Variants in TRIM34 observed in about 807,000 individuals in gnomAD.
The protein encoded by TRIM34 is tripartite motif containing 34.
In TRIM34, 41 loss-of-function variants were observed where a neutral mutation model predicts 38.1. That is an observed-to-expected ratio of 1.08 (90% CI 0.84 to 1.40). TRIM34 has a LOEUF of 1.40. TRIM34 is among the 40% of genes most tolerant of loss of function. The pLI, the probability that TRIM34 is intolerant of heterozygous loss-of-function variation, is 0.00. For missense variants in TRIM34, 556 were observed against 571.4 expected, an observed-to-expected ratio of 0.97 and a Z score of 0.27; for synonymous variants, 200 against 202.5, an observed-to-expected ratio of 0.99 and a Z score of 0.10.
In TRIM34 at chr11:5,643,127, T is replaced by TATATAA; in HGVS notation, c.902-17_902-16insATATAA. On this transcript the variant is annotated splice_polypyrimidine_tract_variant and intron_variant, in intron 7 of 7. Transcript: ENST00000429814. ...TATATTCATATACATATATATATAT[T>TATATAA]TTTTTTTTTCTTGCAGTGGATGTCA... 3.8e-6 allele frequency: 2 copies of TATATAA among 521,878 alleles called. No individual in the cohort carries two copies. The highest frequency in any genetic ancestry group is 4.9e-6 in the Non-Finnish European group (2 of 405,550). 32.3% of individuals were successfully genotyped at this position (521,878 alleles called of 1,614,324 possible).
At chr11:5,622,404 C>T (rs1374058166), upstream of TRIM34, among the ~76,000 whole-genome samples, 3 of 149,662 alleles carry the variant, frequency 2.0e-5, no homozygotes, top group African/African-American at 7.4e-5. Context: ...GAGATCACGC[C>T]ACTGCACTCC....
In TRIM34 at chr11:5,643,388, A is replaced by G; in HGVS notation, c.1146A>G (p.Ala382=). ...TGAAGTATGTTGTTAGAAGATGTGC[A>G]AATCGTCAAAATCTTTACACCAAAT... The part of the protein sequence containing the change: ...RHMKYVVRRC[A]NRQNLYTKYR... The change falls in exon 8 of 8, where the codon GCA becomes GCG. Residue 382 remains alanine, a synonymous_variant. Transcript: ENST00000429814. The G allele has an allele frequency of 6.2e-7, 1 of 1,614,140 alleles. No individual in the cohort carries two copies. Among genetic ancestry groups the G allele is most frequent in the African/African-American group, 1.3e-5 (1 of 75,028 alleles).
Position 5,633,672 on chromosome 11 carries a change from T to C in TRIM34, c.424-132T>C, listed in dbSNP as rs190832119. The C allele has an allele frequency of 1.9e-4, 160 of 853,288 alleles. No individual in the cohort carries two copies. The Admixed American group carries it at 4.2e-3, about 22-fold the overall frequency. The allele number at this position is 853,288 out of a possible 1,614,324, so 52.9% of individuals were successfully genotyped here. On this transcript the variant is annotated intron_variant, in intron 2 of 7. Coordinates refer to ENST00000429814, the MANE Select transcript of TRIM34 (RefSeq NM_021616.6). ...CTCAAAATTTTCCCCATGTCATAGATTCTAATCACCAGCTTCACAGTTTCT... is the reference window on the plus strand; with the variant it reads ...CTCAAAATTTTCCCCATGTCATAGACTCTAATCACCAGCTTCACAGTTTCT...
chr11:5,635,557 C>T (rs1340878143), intron 4 of TRIM34, among the ~76,000 whole-genome samples: 2 of 152,084 alleles, frequency 1.3e-5, no homozygotes, highest in Non-Finnish European at 2.9e-5. Flanking sequence ...CACCCAGCCC[C>T]CTGTTACTTT....
chr11:5,634,650 G>A lies in TRIM34; in HGVS notation c.539G>A (p.Arg180Lys), dbSNP rs1849646234. 1 of 1,613,286 alleles carries A rather than the reference G, an allele frequency of 6.2e-7. No homozygotes were observed. Among genetic ancestry groups the A allele is most frequent in the Non-Finnish European group, 8.5e-7 (1 of 1,179,686 alleles). Residue 180 changes from arginine (R) to lysine (K), a missense_variant, in exon 4 of 8, where the codon AGA becomes AAA. Transcript: ENST00000429814. ...TSWKYQVQTE[R>K]QRIQTEFDQL... ...TTGCAGTATCAGGTACAAACTGAGA[G>A]ACAAAGGATACAAACAGAATTTGAT... is the stretch of plus-strand genomic sequence containing the variant.
At chr11:5,640,003 A>G (rs1849935904) in intron 4 of TRIM34, among the ~76,000 whole-genome samples, 1 of 152,202 alleles carries the variant, frequency 6.6e-6, no homozygotes, top group South Asian at 2.1e-4. Flanking sequence ...ATACTATTTT[A>G]ATTATTTTAA....
chr11:5,637,027 T>A (rs1849769240), intron 4 of TRIM34, among the ~76,000 whole-genome samples: 1 of 152,090 alleles, frequency 6.6e-6, no homozygotes, highest in South Asian at 2.1e-4. Flanking sequence ...ATACAAAAAA[T>A]TAGCTGGTGA....
chr11:5,643,734 C>G lies in TRIM34; in HGVS notation c.*25C>G. The G allele has an allele frequency of 6.5e-7, 1 of 1,549,248 alleles. No individual in the cohort carries two copies. Among genetic ancestry groups the G allele is most frequent in the Non-Finnish European group, 8.7e-7 (1 of 1,153,342 alleles). On this transcript the variant is annotated 3_prime_UTR_variant, in exon 8 of 8. Transcript: ENST00000429814. ...AATTTTCTCATTTCTTCACCTACAACCCTTTGTCTTGACTTATCTCCTGCA... is the reference window on the plus strand; with the variant it reads ...AATTTTCTCATTTCTTCACCTACAAGCCTTTGTCTTGACTTATCTCCTGCA...
rs189851658 is a variant in TRIM34 at position 5,627,106 on chromosome 11, A to G, written c.-78+2046A>G. Among the ~76,000 whole-genome samples, 279 of 152,118 alleles carry G rather than the reference A, an allele frequency of 1.8e-3. 1 individual carries two copies. Among genetic ancestry groups the G allele is most frequent in the Non-Finnish European group, 3.2e-3 (219 of 67,966 alleles). ...AAGAAGGACAGTGATGGGTGGGCAC[A>G]GTAGCTCACACCTGTAATCCCAGCA... On this transcript the variant is annotated intron_variant, in intron 1 of 7. Coordinates refer to ENST00000429814, the MANE Select transcript of TRIM34 (RefSeq NM_021616.6).
chr11:5,629,747 GC>G (rs1849398166), intron 1 of TRIM34, among the ~76,000 whole-genome samples: 1 of 152,168 alleles, frequency 6.6e-6, no homozygotes, highest in South Asian at 2.1e-4. Context: ...TCGCTCTGTC[GC>G]CCGGGCTGGA....
chr11:5,635,167 T>C (rs931240456), intron 4 of TRIM34, among the ~76,000 whole-genome samples: 1 of 152,190 alleles, frequency 6.6e-6, no homozygotes, highest in Non-Finnish European at 1.5e-5. Flanking sequence ...ACACATGCAT[T>C]TTCAGGTTTA....
intron 5 of TRIM34, 66 bp from the exon 6 acceptor site, chr11:5,642,340 A>T (rs764007121): frequency 1.3e-5 from 19 of 1,427,098 alleles, no homozygotes; most frequent in Non-Finnish European, 1.9e-5. Flanking sequence ...AGATGAAACC[A>T]GTGATGTGGG....
intron 1 of TRIM34, among the ~76,000 whole-genome samples, chr11:5,630,038 T>C (rs1849419386): frequency 6.6e-6 from 1 of 152,032 alleles, no homozygotes; most frequent in Admixed American, 6.6e-5. Context: ...TACAAGACCA[T>C]GTGACCATGT....
chr11:5,626,511 T>G (rs2133908561), intron 1 of TRIM34: 1 of 152,314 alleles, frequency 6.6e-6, no homozygotes, highest in South Asian at 2.1e-4. Context: ...TTAAAGGCTT[T>G]AATGGTTTTT....
upstream of TRIM34, among the ~76,000 whole-genome samples, chr11:5,624,368 G>C (rs980128798): frequency 5.3e-5 from 8 of 152,138 alleles, no homozygotes; most frequent in Admixed American, 3.3e-4. Context: ...AAGTTCCCCA[G>C]GTCCTTTGTA....
intron 4 of TRIM34, among the ~76,000 whole-genome samples, chr11:5,638,050 A>G (rs909109589): frequency 2.6e-5 from 4 of 152,206 alleles, no homozygotes; most frequent in Non-Finnish European, 5.9e-5. Flanking sequence ...TCAAGAATGA[A>G]TGAGTTAATT....
chr11:5,632,417 A>G lies in TRIM34; in HGVS notation c.86A>G (p.Asp29Gly). 1.9e-6 allele frequency: 3 copies of G among 1,614,016 alleles called. No homozygotes were observed. The highest frequency in any genetic ancestry group is 2.5e-6 in the Non-Finnish European group (3 of 1,180,004). Residue 29 changes from aspartate to glycine, a missense_variant, in exon 2 of 8, where the codon GAC (aspartate) becomes GGC (glycine). Transcript: ENST00000429814. Reference protein sequence around the residue: ...LELLTEPLSLDCGHSLCRACI... With the variant: ...LELLTEPLSLGCGHSLCRACI... ...CTGTTGACAGAACCCTTGAGTCTAG[A>G]CTGTGGCCACAGCCTCTGCCGAGCC...
upstream of TRIM34, chr11:5,624,738 C>A (rs564678329): frequency 3.9e-5 from 6 of 152,248 alleles, no homozygotes; most frequent in Non-Finnish European, 7.3e-5. Flanking sequence ...TAGTTAACAA[C>A]CAAATATCTC....
chr11:5,631,917 G>C (rs10838459), intron 1 of TRIM34, among the ~76,000 whole-genome samples: 36,287 of 152,038 alleles, frequency 0.24, 4,742 homozygotes, highest in East Asian at 0.46. Flanking sequence ...AAGAAAGATG[G>C]CAAATGTACA....
Sources: allele counts gnomAD v4.1 joint callset (sites outside exome capture counted in the v4.1 genomes callset), GRCh38; gene constraint gnomAD v4.1.1; transcripts MANE v1.5; gene names NCBI Gene and HGNC (gene_info 2026-07-23, HGNC 2026-07-21).